RPIA: variants seen among roughly 807,000 people sequenced by gnomAD.
RPIA encodes ribose-5-phosphate isomerase.
RPIA carries 29 observed loss-of-function variants against 37.8 expected under a neutral mutation model. The observed-to-expected ratio is 0.77, with a 90% confidence interval of 0.57 to 1.05. RPIA has a LOEUF of 1.05. Ranked by LOEUF, RPIA falls within the 50% of genes least tolerant of loss-of-function variation. The probability of loss-of-function intolerance (pLI) is 0.00; values close to 1 mark genes in which losing one functional copy is unlikely to be tolerated. For synonymous variants in RPIA, 167 were observed against 157.0 expected (o/e 1.06, Z -0.48); for missense variants, 385 against 413.6 (o/e 0.93, Z 0.60).
intron 3 of RPIA, among the ~76,000 whole-genome samples, chr2:88,721,052 C>T (rs1385310759): frequency 1.3e-5 from 2 of 152,120 alleles, no homozygotes; most frequent in African/African-American, 4.8e-5. Flanking sequence ...AGGATGAGTT[C>T]ATGTCCTTTG....
In RPIA at chr2:88,691,675, C is replaced by T. The variant is rs1180964402; in HGVS notation, c.-24C>T. On this transcript the variant is annotated 5_prime_UTR_variant, in exon 1 of 9. Transcript: ENST00000283646. ...GGGGGAGCCGGGGGCGGGACTTCAG[C>T]GGAGGCCGGAGCGAGGCGTCGGGAT... is the stretch of plus-strand genomic sequence containing the variant. 1.3e-6 allele frequency: 2 copies of T among 1,568,682 alleles called. No homozygotes were observed. The highest frequency in any genetic ancestry group is 1.7e-6 in the Non-Finnish European group (2 of 1,166,480).
chr2:88,719,264 A>G (rs1413577145), intron 3 of RPIA, among the ~76,000 whole-genome samples: 1 of 152,170 alleles, frequency 6.6e-6, no homozygotes, highest in Non-Finnish European at 1.5e-5. Context: ...ATTTAACATA[A>G]CAATTATAAT....
chr2:88,709,134 T>C (rs1273815697), intron 3 of RPIA, among the ~76,000 whole-genome samples: 1 of 152,234 alleles, frequency 6.6e-6, no homozygotes, highest in Admixed American at 6.5e-5. Flanking sequence ...AATGAAAATG[T>C]TGGAAAATGG....
intron 4 of RPIA, 29 bp downstream of exon 4, chr2:88,729,366 T>C (rs1428499542): frequency 3.7e-6 from 6 of 1,605,466 alleles, no homozygotes; most frequent in African/African-American, 1.3e-5. Context: ...GGCAGACCAC[T>C]GCGTATTTCT....
intron 8 of RPIA, among the ~76,000 whole-genome samples, chr2:88,747,963 G>A (rs1317636937): frequency 6.6e-6 from 1 of 152,090 alleles, no homozygotes; most frequent in East Asian, 1.9e-4. Context: ...TGTCCAAGTG[G>A]GTGCTGCACA....
chr2:88,741,358 A>G (rs1673381318), intron 8 of RPIA, among the ~76,000 whole-genome samples: 1 of 151,664 alleles, frequency 6.6e-6, no homozygotes, highest in Non-Finnish European at 1.5e-5. Context: ...ATGGTCTCCA[A>G]CTCCATCCAG....
In RPIA at chr2:88,691,737, G is replaced by C. The variant is rs904197846; in HGVS notation, c.39G>C (p.Arg13=). 9.4e-6 allele frequency: 15 copies of C among 1,595,358 alleles called. No homozygotes were observed. The highest frequency in any genetic ancestry group is 1.3e-5 in the Non-Finnish European group (15 of 1,175,744). Residue 13 remains arginine (R), a synonymous_variant, in exon 1 of 9, where the codon CGG becomes CGC. Transcript: ENST00000283646. ...GGCCCTTCAGCACCCTCTACGGGCG[G>C]GTCTTGGCCCCGCTGCCCGGGAGGG... The part of the protein sequence containing the change: ...RPGPFSTLYG[R]VLAPLPGRAG...
chr2:88,707,319 G>A (rs1050269992), intron 3 of RPIA, among the ~76,000 whole-genome samples: 9 of 149,850 alleles, frequency 6.0e-5, no homozygotes, highest in South Asian at 4.2e-4. Flanking sequence ...TTTTTTTGTC[G>A]TTGTTAAATA....
intron 3 of RPIA, among the ~76,000 whole-genome samples, chr2:88,721,910 T>C (rs1032859522): frequency 6.6e-6 from 1 of 151,428 alleles, no homozygotes; most frequent in Non-Finnish European, 1.5e-5. Flanking sequence ...TTTTTAAATA[T>C]CAAACCCAAT....
At chr2:88,739,409 A>G (rs542603846) in intron 8 of RPIA, among the ~76,000 whole-genome samples, 1 of 152,194 alleles carries the variant, frequency 6.6e-6, no homozygotes, top group African/African-American at 2.4e-5. Context: ...TGCCTACCTT[A>G]TAAGGTTGTT....
intron 3 of RPIA, among the ~76,000 whole-genome samples, chr2:88,718,638 T>C (rs1038523379): frequency 3.9e-5 from 6 of 152,212 alleles, no homozygotes; most frequent in African/African-American, 1.4e-4. Flanking sequence ...CAGTTTGATT[T>C]CTTTATGGAA....
rs1428666378 is a variant in RPIA, at chr2:88,750,098, T to C, written c.*20T>C. On this transcript the variant is annotated 3_prime_UTR_variant, in exon 9 of 9. Transcript: ENST00000283646. ...TGTTGACCCTGCAAGGAGCAGAGTGTGTTCACCTTGAGTCTCCAGCCCACA... is the reference window on the plus strand; with the variant it reads ...TGTTGACCCTGCAAGGAGCAGAGTGCGTTCACCTTGAGTCTCCAGCCCACA... 2 of 1,568,248 alleles carry C rather than the reference T, an allele frequency of 1.3e-6. No individual in the cohort carries two copies. Among genetic ancestry groups the C allele is most frequent in the African/African-American group, 2.7e-5 (2 of 73,778 alleles).
intron 3 of RPIA, among the ~76,000 whole-genome samples, chr2:88,702,988 G>A (rs535646709): frequency 2.0e-5 from 3 of 152,312 alleles, no homozygotes; most frequent in Non-Finnish European, 2.9e-5. Context: ...CAGGTCCCAC[G>A]CAAGTCTGAA....
rs1343832423 is a variant in RPIA, at chr2:88,698,497, T to C, written c.299T>C (p.Leu100Pro). The C allele has an allele frequency of 6.2e-7, 1 of 1,614,224 alleles. No homozygotes were observed. The highest frequency in any genetic ancestry group is 8.5e-7 in the Non-Finnish European group (1 of 1,180,014). The stretch of plus-strand genomic sequence containing the variant: ...GTTTTTTGGCAGAATAACCAAGTGC[T>C]GGGAATTGGAAGTGGTTCTACAATT... ...VENHVRNNQV[L>P]GIGSGSTIVH... Residue 100 changes from leucine to proline, a missense_variant, in exon 2 of 9, where the codon CTG (leucine) becomes CCG (proline). By Grantham distance (98) the Leu-to-Pro change is moderately conservative. This residue lies in a region of RPIA where 232 missense variants were observed against 203.0 expected (regional missense o/e 1.14). Coordinates refer to ENST00000283646, the MANE Select transcript of RPIA (RefSeq NM_144563.3).
At chr2:88,724,872 A>G (rs1673177419) in intron 3 of RPIA, among the ~76,000 whole-genome samples, 1 of 152,316 alleles carries the variant, frequency 6.6e-6, no homozygotes, top group Admixed American at 6.5e-5. Context: ...TAGAAGGGAA[A>G]ATGTTTATGC....
chr2:88,707,043 T>G (rs1021516083), intron 3 of RPIA, among the ~76,000 whole-genome samples: 1 of 152,260 alleles, frequency 6.6e-6, no homozygotes, highest in Non-Finnish European at 1.5e-5. Flanking sequence ...TGTTTCTGCA[T>G]CCAAAATGGA....
intron 3 of RPIA, among the ~76,000 whole-genome samples, chr2:88,723,345 A>T (rs1472530520): frequency 6.6e-6 from 1 of 152,198 alleles, no homozygotes; most frequent in East Asian, 1.9e-4. Flanking sequence ...TGTTAAACTC[A>T]TATTCCCTGC....
chr2:88,713,629 A>G (rs558416594), intron 3 of RPIA, among the ~76,000 whole-genome samples: 26 of 152,198 alleles, frequency 1.7e-4, no homozygotes, highest in Non-Finnish European at 1.9e-4. Context: ...GGGACAGCTC[A>G]TCATGCGTAT....
chr2:88,725,592 C>T (rs921895131), intron 3 of RPIA, among the ~76,000 whole-genome samples: 2 of 152,004 alleles, frequency 1.3e-5, no homozygotes, highest in African/African-American at 2.4e-5. Flanking sequence ...TCAAAATTTC[C>T]GCTTTTAATA....
Sources: gnomAD v4.1 joint callset for allele counts (sites outside exome capture counted in the v4.1 genomes callset) on GRCh38, gnomAD v4.1.1 for gene constraint, gnomAD v4.1.1 regional missense constraint, MANE v1.5 for transcripts, NCBI Gene and HGNC (gene_info 2026-07-23, HGNC 2026-07-21) for gene names.